The following WHRN variants were observed in gnomAD, a reference collection of about 807,000 sequenced individuals.
WHRN encodes the protein whirlin, also known as CASK-interacting protein CIP98.
A neutral mutation model predicts 68.3 loss-of-function variants in WHRN; 41 were observed. The ratio of observed to expected loss-of-function variants is 0.60; its 90% CI spans 0.47 to 0.78. The LOEUF (loss-of-function observed/expected upper bound fraction) is 0.78, where lower values mean the gene tolerates loss of function less well. Among genes scored for constraint, WHRN ranks in the 30% least tolerant of loss-of-function variants. The probability of loss-of-function intolerance (pLI) is 0.00; values close to 1 mark genes in which losing one functional copy is unlikely to be tolerated. For missense variants in WHRN, 1,243 were observed against 1,244.7 expected, an observed-to-expected ratio of 1.00 and a Z score of 0.02; for synonymous variants, 560 against 561.3, an observed-to-expected ratio of 1.00 and a Z score of 0.03.
intron 1 of WHRN, among the ~76,000 whole-genome samples, chr9:114,483,091 C>G (rs118162166): frequency 0.012 from 1,861 of 152,332 alleles, 23 homozygotes; most frequent in Non-Finnish European, 0.015. Flanking sequence ...GTAGACCATT[C>G]ATCTACCTCT....
chr9:114,407,954 A>C lies in WHRN; in HGVS notation c.1691T>G (p.Val564Gly). The stretch of plus-strand genomic sequence containing the variant: ...GGCCAGCCAGGGCCTTACCACGGAC[A>C]CATCTGGGAGGGCGTTGATATTGCC... ...VQGNINALPD[V>G]SVDDVRSTSQ... is the part of the protein sequence containing the mutation. The change falls in exon 8 of 12, where the codon GTG becomes GGG. Residue 564 changes from valine (V) to glycine (G), a missense_variant. Val to Gly is a moderately radical substitution (Grantham distance 109). Transcript: ENST00000362057. 1.2e-6 allele frequency: 2 copies of C among 1,601,468 alleles called. No individual in the cohort carries two copies. The highest frequency in any genetic ancestry group is 1.1e-5 in the South Asian group (1 of 88,870).
chr9:114,475,696 C>T (rs1841591618), intron 2 of WHRN, among the ~76,000 whole-genome samples: 1 of 152,164 alleles, frequency 6.6e-6, no homozygotes, highest in South Asian at 2.1e-4. Flanking sequence ...TGGGACCAGG[C>T]TGCTGGAGAG....
intron 3 of WHRN, among the ~76,000 whole-genome samples, chr9:114,453,242 G>T (rs1839493896): frequency 6.6e-6 from 1 of 152,128 alleles, no homozygotes; most frequent in African/African-American, 2.4e-5. Context: ...GAGAGAAGGA[G>T]TAAGAGAGGT....
chr9:114,471,855 T>G (rs1025711098), intron 2 of WHRN, among the ~76,000 whole-genome samples: 2 of 152,202 alleles, frequency 1.3e-5, no homozygotes, highest in African/African-American at 4.8e-5. Context: ...GAGAAGGGCC[T>G]CCTGCTCCCT....
chr9:114,478,934 A>C (rs140486480), intron 1 of WHRN, among the ~76,000 whole-genome samples, 163 bp from the exon 2 acceptor site: 5 of 152,294 alleles, frequency 3.3e-5, no homozygotes, highest in Non-Finnish European at 7.4e-5. Flanking sequence ...TTGTCCTGTG[A>C]AAACAAGAAC....
chr9:114,411,051 A>G (rs1163370027), intron 7 of WHRN, among the ~76,000 whole-genome samples: 3 of 152,222 alleles, frequency 2.0e-5, no homozygotes, highest in African/African-American at 7.2e-5. Context: ...AGCACTCAGA[A>G]TAGGGCCTGG....
At chr9:114,434,446 T>C (rs995015515) in intron 3 of WHRN, among the ~76,000 whole-genome samples, 31 of 152,248 alleles carry the variant, frequency 2.0e-4, no homozygotes, top group African/African-American at 7.5e-4. Context: ...TCACACAAGT[T>C]CCACTTCACT....
At chr9:114,438,975 T>G (rs1838133475) in intron 3 of WHRN, among the ~76,000 whole-genome samples, 1 of 152,122 alleles carries the variant, frequency 6.6e-6, no homozygotes. Flanking sequence ...TGCACTGACA[T>G]AACAGGATTT....
intron 1 of WHRN, among the ~76,000 whole-genome samples, chr9:114,502,808 A>G (rs1467310797): frequency 6.6e-6 from 1 of 152,200 alleles, no homozygotes; most frequent in Non-Finnish European, 1.5e-5. Context: ...TAAATTTATC[A>G]TCTGGGAACT....
intron 3 of WHRN, among the ~76,000 whole-genome samples, chr9:114,442,228 G>A (rs1838432795): frequency 6.6e-6 from 1 of 152,222 alleles, no homozygotes; most frequent in African/African-American, 2.4e-5. Flanking sequence ...ACTGGGAGCA[G>A]AAAGAATTGC....
chr9:114,480,906 A>G (rs1321857293), intron 1 of WHRN, among the ~76,000 whole-genome samples: 2 of 152,210 alleles, frequency 1.3e-5, no homozygotes, highest in African/African-American at 4.8e-5. Flanking sequence ...CCAAGATGCT[A>G]GCAGTGCTTC....
chr9:114,423,229 T>A, intron 7 of WHRN, 85 bp downstream of exon 7: 1 of 1,419,344 alleles, frequency 7.0e-7, no homozygotes, highest in South Asian at 1.2e-5. Context: ...GTGCTGGGAT[T>A]CGAACTCAGG....
In WHRN at chr9:114,406,785, C is replaced by G; in HGVS notation, c.1806G>C (p.Leu602=). The change falls in exon 9 of 12, where the codon CTG becomes CTC. Residue 602 remains leucine (L), a synonymous_variant. Coordinates refer to ENST00000362057, the MANE Select transcript of WHRN (RefSeq NM_015404.4). ...AAGGTGGCTGGAGGTCCTCTCTCCC[C>G]AGCTTCCTTGGCTGGCCTAGTGGGA... ...NDLPLGQPRK[L]GREDLQPPSS... is the part of the protein sequence containing the mutation. 1 of 1,613,946 alleles carries G rather than the reference C, an allele frequency of 6.2e-7. No homozygotes were observed. Among genetic ancestry groups the G allele is most frequent in the South Asian group, 1.1e-5 (1 of 91,056 alleles).
At position 114,470,703 on chromosome 9, in the gene WHRN, C is replaced by T. The variant is rs1428166763; in HGVS notation, c.838-4311G>A. ...TGATCCCCATTCCTGCCACGCCTGG[C>T]AGAGCCCCCACTCCATGCTGCACCT... is the stretch of plus-strand genomic sequence containing the variant. On this transcript the variant is annotated intron_variant, in intron 2 of 11. Coordinates refer to ENST00000362057, the MANE Select transcript of WHRN (RefSeq NM_015404.4). 2.0e-5 allele frequency among the ~76,000 whole-genome samples: 3 copies of T among 152,130 alleles called. No individual in the cohort carries two copies. The East Asian group carries it at 5.8e-4, about 29-fold the overall frequency.
intron 1 of WHRN, among the ~76,000 whole-genome samples, chr9:114,501,003 C>G (rs1272183293): frequency 6.6e-6 from 1 of 152,188 alleles, no homozygotes; most frequent in Admixed American, 6.5e-5. Context: ...ATTCTAAATG[C>G]CTCCTGTGTA....
intron 2 of WHRN, 80 bp from the exon 3 acceptor site, chr9:114,466,472 C>A (rs537133812): frequency 1.3e-6 from 2 of 1,596,044 alleles, no homozygotes; most frequent in Non-Finnish European, 1.7e-6. Flanking sequence ...AGCCCCCTCT[C>A]GTACTTTGAA....
At chr9:114,462,921 C>G (rs1487433951) in intron 3 of WHRN, among the ~76,000 whole-genome samples, 2 of 152,168 alleles carry the variant, frequency 1.3e-5, no homozygotes, top group African/African-American at 2.4e-5. Context: ...CATCAGTAAT[C>G]AGAGAGAGAG....
At chr9:114,482,573 T>C (rs988997452) in intron 1 of WHRN, among the ~76,000 whole-genome samples, 5 of 152,044 alleles carry the variant, frequency 3.3e-5, no homozygotes, top group East Asian at 3.9e-4. Context: ...CAGAGCCTTC[T>C]TGGCCACACA....
chr9:114,499,354 A>G (rs184533965), intron 1 of WHRN, among the ~76,000 whole-genome samples: 3 of 152,342 alleles, frequency 2.0e-5, no homozygotes, highest in African/African-American at 7.2e-5. Flanking sequence ...GTTCAGAGTT[A>G]ATATCAGATT....
Sources: gnomAD v4.1 joint callset for allele counts (sites outside exome capture counted in the v4.1 genomes callset) on GRCh38, gnomAD v4.1.1 for gene constraint, MANE v1.5 for transcripts, NCBI Gene and HGNC (gene_info 2026-07-23, HGNC 2026-07-21) for gene names.